IFNLR1: variants seen among roughly 807,000 people sequenced by gnomAD.
The protein encoded by IFNLR1 is CRF2-12.
In IFNLR1, 28 loss-of-function variants were observed where a neutral mutation model predicts 52.5. The observed-to-expected ratio is 0.53, with a 90% CI of 0.40 to 0.73. The LOEUF (loss-of-function observed/expected upper bound fraction) is 0.73. Among genes scored for constraint, IFNLR1 ranks in the 30% least tolerant of loss-of-function variants. The probability of loss-of-function intolerance (pLI) is 0.00; values close to 1 mark genes in which losing one functional copy is unlikely to be tolerated. For synonymous variants in IFNLR1, 276 were observed against 274.9 expected (o/e 1.00, Z -0.04); for missense variants, 623 against 659.1 (o/e 0.95, Z 0.60).
chr1:24,158,298 C>T (rs1039413055), intron 6 of IFNLR1, among the ~76,000 whole-genome samples: 37 of 152,222 alleles, frequency 2.4e-4, no homozygotes, highest in African/African-American at 8.9e-4. Context: ...TGGGTGCAGG[C>T]GCTGGGAGTT....
At chr1:24,178,136 T>C (rs1341979749) in intron 2 of IFNLR1, among the ~76,000 whole-genome samples, 3 of 151,948 alleles carry the variant, frequency 2.0e-5, no homozygotes, top group East Asian at 1.9e-4. Context: ...AATACAAAAA[T>C]TAGCCGGGTA....
intron 1 of IFNLR1, among the ~76,000 whole-genome samples, chr1:24,182,937 A>ATAAATAAATAAG (rs1644705907): frequency 6.6e-6 from 1 of 151,792 alleles, no homozygotes; most frequent in Non-Finnish European, 1.5e-5. Context: ...AAATAAATAA[A>ATAAATAAATAAG]TAAATAAATA....
intron 3 of IFNLR1, among the ~76,000 whole-genome samples, chr1:24,166,004 G>A (rs138590103): frequency 4.3e-4 from 66 of 152,296 alleles, no homozygotes; most frequent in African/African-American, 1.5e-3. Flanking sequence ...GAAGAATCAG[G>A]AGAAATTCAG....
At chr1:24,161,835 G>A in intron 3 of IFNLR1, 151 bp from the exon 4 acceptor site, 1 of 716,878 alleles carries the variant, frequency 1.4e-6, no homozygotes, top group Non-Finnish European at 2.1e-6. Flanking sequence ...TGTTATTTCA[G>A]CCTTGCACTG....
At position 24,169,486 on chromosome 1, in the gene IFNLR1, C is replaced by T. The variant is rs906148673; in HGVS notation, c.298G>A (p.Val100Met). Residue 100 changes from valine (V) to methionine (M), a missense_variant, in exon 3 of 7, where the codon GTG (valine) becomes ATG (methionine). Coordinates refer to ENST00000327535, the MANE Select transcript of IFNLR1 (RefSeq NM_170743.4). ...QDLYNKFKGRVRTVSPSSKSP... is the reference protein window; with the variant it reads ...QDLYNKFKGRMRTVSPSSKSP... ...TTGGAGCTGGGAGAAACCGTCCGCA[C>T]GCGTCCCTTGAACTTGTTGTACAGG... 11 of 1,614,082 alleles carry T rather than the reference C, an allele frequency of 6.8e-6. No individual in the cohort carries two copies. Among genetic ancestry groups the T allele is most frequent in the African/African-American group, 1.3e-5 (1 of 74,922 alleles).
chr1:24,158,651 A>G (rs1644407212), intron 6 of IFNLR1, among the ~76,000 whole-genome samples: 1 of 152,180 alleles, frequency 6.6e-6, no homozygotes, highest in Non-Finnish European at 1.5e-5. Flanking sequence ...AGAAACTCCA[A>G]GGTCAGCCAG....
rs1460160240 is a variant in IFNLR1 at position 24,157,356 on chromosome 1, G to T, written c.1337C>A (p.Ser446Tyr). The T allele has an allele frequency of 3.1e-6, 5 of 1,614,092 alleles. No homozygotes were observed. The African/African-American group carries it at 6.7e-5, about 22-fold the overall frequency. ...FLEELPEDNL[S>Y]SWATWGTLPP... ...TAAGGTGCCCCAGGTGGCCCAGGAGGAGAGGTTATCTTCTGGGAGCTCTTC... is the reference window on the plus strand; with the variant it reads ...TAAGGTGCCCCAGGTGGCCCAGGAGTAGAGGTTATCTTCTGGGAGCTCTTC... Residue 446 changes from serine to tyrosine, a missense_variant, in exon 7 of 7, where the codon TCC (serine) becomes TAC (tyrosine). Coordinates refer to ENST00000327535, the MANE Select transcript of IFNLR1 (RefSeq NM_170743.4). The surrounding 1 kb of genome is among the most constrained non-coding windows in gnomAD (Gnocchi z 5.1).
chr1:24,169,684 CCT>C (rs1644558875), intron 2 of IFNLR1, 83 bp from the exon 3 acceptor site: 16 of 1,418,622 alleles, frequency 1.1e-5, no homozygotes, highest in African/African-American at 1.4e-5. Context: ...ATCATGCTTC[CCT>C]CTGTTTGGCT....
chr1:24,184,104 T>G (rs1174807505), intron 1 of IFNLR1, among the ~76,000 whole-genome samples: 1 of 151,856 alleles, frequency 6.6e-6, no homozygotes, highest in African/African-American at 2.4e-5. Flanking sequence ...TGCTCCCATA[T>G]CTCCATCCAC....
At chr1:24,177,273 C>T (rs1182841694) in intron 2 of IFNLR1, among the ~76,000 whole-genome samples, 2 of 152,162 alleles carry the variant, frequency 1.3e-5, no homozygotes, top group Non-Finnish European at 2.9e-5. Context: ...CGAAGTCCCA[C>T]GATAGGCCGT....
chr1:24,175,420 C>A (rs564675133), intron 2 of IFNLR1, among the ~76,000 whole-genome samples: 7 of 152,198 alleles, frequency 4.6e-5, no homozygotes, highest in Non-Finnish European at 8.8e-5. Context: ...TGCTTGGGAC[C>A]TGTCACTCTT....
intron 3 of IFNLR1, among the ~76,000 whole-genome samples, chr1:24,168,011 G>A (rs924647710): frequency 1.3e-5 from 2 of 152,050 alleles, no homozygotes; most frequent in African/African-American, 2.4e-5. Flanking sequence ...TCCTCTTAGT[G>A]TATCTGTATA....
At chr1:24,170,731 G>A (rs1278100784) in intron 2 of IFNLR1, among the ~76,000 whole-genome samples, 1 of 152,220 alleles carries the variant, frequency 6.6e-6, no homozygotes, top group African/African-American at 2.4e-5. Flanking sequence ...CAGGATGATG[G>A]TGGAGACAGT....
At chr1:24,181,326 G>C (rs1401584018) in intron 1 of IFNLR1, among the ~76,000 whole-genome samples, 1 of 152,234 alleles carries the variant, frequency 6.6e-6, no homozygotes, top group African/African-American at 2.4e-5. Context: ...AGCAAAGGTT[G>C]CTGCCTAGGC....
chr1:24,159,571 G>T lies in IFNLR1; in HGVS notation c.573C>A (p.Ser191Arg). The T allele has an allele frequency of 2.5e-6, 4 of 1,613,974 alleles. No individual in the cohort carries two copies. Among genetic ancestry groups the T allele is most frequent in the Non-Finnish European group, 3.4e-6 (4 of 1,179,924 alleles). The change falls in exon 5 of 7, where the codon AGC becomes AGA. Residue 191 changes from serine to arginine, a missense_variant. Physicochemically the swap from Ser to Arg is moderately radical, Grantham distance 110. Coordinates refer to ENST00000327535, the MANE Select transcript of IFNLR1 (RefSeq NM_170743.4). Reference sequence around the variant, plus strand: ...TTCTGGCACTGAGGCAGTGGTGTTCGCTGGCAGCTGGCTGGAGAGTGATCT... The same window carrying T: ...TTCTGGCACTGAGGCAGTGGTGTTCTCTGGCAGCTGGCTGGAGAGTGATCT... Reference protein sequence around the residue: ...PVQITLQPAASEHHCLSARTI... With the variant: ...PVQITLQPAAREHHCLSARTI...
chr1:24,172,453 A>G (rs113707320), intron 2 of IFNLR1, among the ~76,000 whole-genome samples: 13 of 152,244 alleles, frequency 8.5e-5, no homozygotes, highest in African/African-American at 2.4e-4. Flanking sequence ...ACTCAGACAC[A>G]GAAAAGAATT....
rs2148582462 is a variant in IFNLR1, at chr1:24,155,712, TG to T, written c.*1417del. On this transcript the variant is annotated 3_prime_UTR_variant, in exon 7 of 7. Transcript: ENST00000327535. ...GTGGCTTTAAAGCAACACAGCTCTG[TG>T]GGTTCAATGGCTTTGAAGATCCCTT... is the stretch of plus-strand genomic sequence containing the variant. The T allele has an allele frequency of 6.6e-6, 1 of 152,350 alleles. No homozygotes were observed. The highest frequency in any genetic ancestry group is 2.1e-4 in the South Asian group (1 of 4,830). 9.4% of individuals were successfully genotyped at this position (152,350 alleles called of 1,614,324 possible).
rs1170490915 is a variant in IFNLR1, at chr1:24,157,221, A to G, written c.1472T>C (p.Ile491Thr). Reference sequence around the variant, plus strand: ...CCAGCTGCCCGCATCGCTGTCCTCAATTTCTGATTCCCTCGCCTCCTCTTC... The same window carrying G: ...CCAGCTGCCCGCATCGCTGTCCTCAGTTTCTGATTCCCTCGCCTCCTCTTC... ...EEEEEARESE[I>T]EDSDAGSWGA... Residue 491 changes from isoleucine (I) to threonine (T), a missense_variant, in exon 7 of 7, where the codon ATT becomes ACT. Transcript: ENST00000327535. The surrounding 1 kb of genome is among the most constrained non-coding windows in gnomAD (Gnocchi z 5.1). 2 of 1,614,062 alleles carry G rather than the reference A, an allele frequency of 1.2e-6. No homozygotes were observed. Among genetic ancestry groups the G allele is most frequent in the East Asian group, 2.2e-5 (1 of 44,858 alleles).
rs1557643906 is a variant in IFNLR1 at position 24,162,774 on chromosome 1, TTCTTTTTC to T, written c.368-1098_368-1091del. 6.8e-4 allele frequency among the ~76,000 whole-genome samples: 28 copies of T among 41,080 alleles called. 1 individual carries two copies. Among genetic ancestry groups the T allele is most frequent in the Non-Finnish European group, 1.3e-3 (27 of 21,058 alleles). 27.0% of individuals were successfully genotyped at this position (41,080 alleles called of 152,430 possible). On this transcript the variant is annotated intron_variant, in intron 3 of 6. Coordinates refer to ENST00000327535, the MANE Select transcript of IFNLR1 (RefSeq NM_170743.4). ...TTTCTTTCTTTCTTTCTTTCTTTCT[TTCTTTTTC>T]TTTCTTTTTCTTTCTTTCTTTTTTC...
Sources: allele counts gnomAD v4.1 joint callset (sites outside exome capture counted in the v4.1 genomes callset), GRCh38; gene constraint gnomAD v4.1.1; non-coding constraint Gnocchi (gnomAD v3.1); transcripts MANE v1.5; gene names NCBI Gene and HGNC (gene_info 2026-07-23, HGNC 2026-07-21).